SOX6: variants seen among roughly 807,000 people sequenced by gnomAD.
The protein encoded by SOX6 is SRY-box transcription factor 6.
Under a neutral mutation model 97.8 loss-of-function variants are expected in SOX6, and 11 were observed. The observed-to-expected ratio is 0.11, with a 90% confidence interval of 0.07 to 0.19. The LOEUF is 0.19. Among genes scored for constraint, SOX6 ranks in the 10% least tolerant of loss-of-function variants. The pLI is 1.00. For missense variants in SOX6, 810 were observed against 1,039.5 expected (o/e 0.78, Z 3.04); for synonymous variants, 360 against 371.4 (o/e 0.97, Z 0.35).
intron 4 of SOX6, among the ~76,000 whole-genome samples, chr11:16,487,195 GA>G (rs779695341): frequency 1.3e-5 from 2 of 152,046 alleles, no homozygotes; most frequent in Non-Finnish European, 2.9e-5. Flanking sequence ...ATAAAATAAT[GA>G]TTTTTTAAAA....
chr11:16,173,907 G>A (rs56110890), intron 6 of SOX6, among the ~76,000 whole-genome samples: 3,874 of 151,568 alleles, frequency 0.026, 172 homozygotes, highest in African/African-American at 0.088. Flanking sequence ...ATGGAGTGCA[G>A]TGATCATAGC....
At chr11:16,282,078 G>A (rs1266483592) in intron 3 of SOX6, among the ~76,000 whole-genome samples, 1 of 149,440 alleles carries the variant, frequency 6.7e-6, no homozygotes, top group Non-Finnish European at 1.5e-5. Context: ...CACACTAGAT[G>A]CAAGAAAAAA....
intron 3 of SOX6, among the ~76,000 whole-genome samples, chr11:16,644,590 G>A (rs1848983219): frequency 6.6e-6 from 1 of 151,988 alleles, no homozygotes; most frequent in East Asian, 1.9e-4. Flanking sequence ...TATTGGGGGG[G>A]TAGAGATTTA....
intron 4 of SOX6, among the ~76,000 whole-genome samples, chr11:16,543,713 G>T (rs1847582767): frequency 6.6e-6 from 1 of 152,062 alleles, no homozygotes; most frequent in African/African-American, 2.4e-5. Context: ...TTATTCATTA[G>T]GAAAATATGA....
At position 16,526,742 on chromosome 11, in the gene SOX6, A is replaced by G. The variant is rs181979980; in HGVS notation, n.610-50354T>C. Among the ~76,000 whole-genome samples the G allele has an allele frequency of 7.9e-3, 1,197 of 152,270 alleles. 14 individuals are homozygous for G. The highest frequency in any genetic ancestry group is 0.027 in the African/African-American group (1,139 of 41,584). ...TCTAAATATTAATCCAGCCTTTCGT[A>G]TATCAATTTTACTTAAAATAAGACC... On this transcript the variant is annotated intron_variant and non_coding_transcript_variant, in intron 4 of 5. Transcript: ENST00000524520.
chr11:16,120,622 G>A (rs574104078), intron 6 of SOX6, among the ~76,000 whole-genome samples: 11 of 150,910 alleles, frequency 7.3e-5, no homozygotes, highest in African/African-American at 2.7e-4. Flanking sequence ...ATGAAAAGTT[G>A]GTTTAAAGCA....
intron 1 of SOX6, among the ~76,000 whole-genome samples, chr11:16,377,399 C>T (rs1009583498): frequency 6.6e-6 from 1 of 151,956 alleles, no homozygotes; most frequent in Non-Finnish European, 1.5e-5. Flanking sequence ...CACTTTAAGC[C>T]AGTTAATAAT....
chr11:16,030,799 A>C (rs551664093), intron 12 of SOX6, among the ~76,000 whole-genome samples: 2 of 152,224 alleles, frequency 1.3e-5, no homozygotes, highest in African/African-American at 4.8e-5. Context: ...ACCACCCACA[A>C]AGATGATAAA....
intron 6 of SOX6, among the ~76,000 whole-genome samples, chr11:16,165,775 G>A (rs1414217555): frequency 3.9e-5 from 6 of 152,008 alleles, no homozygotes; most frequent in Admixed American, 2.0e-4. Flanking sequence ...GCATGTGCCT[G>A]TAATCTCAGC....
intron 1 of SOX6, among the ~76,000 whole-genome samples, chr11:16,433,038 C>G (rs1336294424): frequency 6.6e-6 from 1 of 151,950 alleles, no homozygotes; most frequent in Non-Finnish European, 1.5e-5. Flanking sequence ...AATGACATAT[C>G]AAGGCCTTTA....
rs144417419 is a variant in SOX6 at position 16,609,412 on chromosome 11, G to T, written n.609+2669C>A. Among the ~76,000 whole-genome samples, 9 of 152,278 alleles carry T rather than the reference G, an allele frequency of 5.9e-5. No homozygotes were observed. The East Asian group carries it at 1.7e-3, about 29-fold the overall frequency. The stretch of plus-strand genomic sequence containing the variant: ...TACTGTATAGAAACTCATATGAGAT[G>T]GCCACTTTGAGACAGTTCATCGAAA... On this transcript the variant is annotated intron_variant and non_coding_transcript_variant, in intron 4 of 5. Transcript: ENST00000524520.
At chr11:16,212,421 A>G (rs920798479) in intron 4 of SOX6, among the ~76,000 whole-genome samples, 2 of 152,140 alleles carry the variant, frequency 1.3e-5, no homozygotes, top group African/African-American at 4.8e-5. Flanking sequence ...TATAAATTTT[A>G]TCATATACTA....
intron 4 of SOX6, among the ~76,000 whole-genome samples, chr11:16,524,698 G>C (rs992493854): frequency 2.0e-5 from 3 of 152,098 alleles, no homozygotes; most frequent in Non-Finnish European, 2.9e-5. Flanking sequence ...AATTGTCCCC[G>C]TTTGCAGATG....
At chr11:16,644,001 T>C (rs1848968145) in intron 3 of SOX6, among the ~76,000 whole-genome samples, 1 of 152,186 alleles carries the variant, frequency 6.6e-6, no homozygotes, top group South Asian at 2.1e-4. Context: ...TCTGCATCGC[T>C]CATGCTGGGA....
chr11:16,578,423 T>C (rs1481783896), intron 4 of SOX6, among the ~76,000 whole-genome samples: 2 of 152,136 alleles, frequency 1.3e-5, no homozygotes, highest in Non-Finnish European at 2.9e-5. Flanking sequence ...TAGCCTGAAG[T>C]TGCTGACTAT....
At chr11:16,285,862 C>T (rs191483417) in intron 3 of SOX6, among the ~76,000 whole-genome samples, 54 of 152,154 alleles carry the variant, frequency 3.5e-4, no homozygotes, top group African/African-American at 1.2e-3. Flanking sequence ...TCAATTGATA[C>T]GGAAGCAAAT....
At chr11:16,019,537 T>G (rs1198524127) in intron 12 of SOX6, among the ~76,000 whole-genome samples, 1 of 152,110 alleles carries the variant, frequency 6.6e-6, no homozygotes, top group East Asian at 1.9e-4. Flanking sequence ...TTGACTCTCT[T>G]AAATAAACCT....
chr11:16,154,018 G>T lies in SOX6; in HGVS notation c.777+29868C>A, dbSNP rs1265475070. ...CCTGATAATAAAAAGGAATATAAAAGTGAAGTAAGATGGCAATTTATTCCT... is the reference window on the plus strand; with the variant it reads ...CCTGATAATAAAAAGGAATATAAAATTGAAGTAAGATGGCAATTTATTCCT... On this transcript the variant is annotated intron_variant, in intron 6 of 15. Coordinates refer to ENST00000683767, the MANE Select transcript of SOX6 (RefSeq NM_001367873.1). Among the ~76,000 whole-genome samples the T allele has an allele frequency of 2.0e-5, 3 of 152,162 alleles. No individual in the cohort carries two copies. In the East Asian group the frequency reaches 5.8e-4, roughly 30 times the overall value.
intron 13 of SOX6, among the ~76,000 whole-genome samples, chr11:16,001,949 ACT>A (rs556234850): frequency 2.3e-4 from 35 of 152,164 alleles, no homozygotes; most frequent in African/African-American, 7.9e-4. Context: ...TAATTCAATA[ACT>A]CTGCTACTGC....
Sources: allele counts gnomAD v4.1 joint callset (sites outside exome capture counted in the v4.1 genomes callset), GRCh38; gene constraint gnomAD v4.1.1; transcripts MANE v1.5; gene names NCBI Gene and HGNC (gene_info 2026-07-23, HGNC 2026-07-21).